The following NAV1 variants were observed in gnomAD, a reference collection of about 807,000 sequenced individuals.
NAV1 encodes the protein pore membrane and/or filament interacting like protein 3.
NAV1 carries 18 observed loss-of-function variants against 175.2 expected under a neutral mutation model. That is an observed-to-expected ratio of 0.10 (90% confidence interval 0.07 to 0.15). The LOEUF (loss-of-function observed/expected upper bound fraction) is 0.15, where lower values mean the gene tolerates loss of function less well. Ranked by LOEUF, NAV1 falls within the 10% of genes least tolerant of loss-of-function variation. The pLI is 1.00. For synonymous variants in NAV1, 897 were observed against 978.7 expected (o/e 0.92, Z 1.56); for missense variants, 1,731 against 2,436.6 (o/e 0.71, Z 6.10).
chr1:201,604,673 T>A (rs1257165491), intron 2 of NAV1, among the ~76,000 whole-genome samples: 1 of 114,232 alleles, frequency 8.8e-6, no homozygotes, highest in East Asian at 2.3e-4. Context: ...AGAGCAAGAC[T>A]CTGTCAGAAA....
At chr1:201,809,528 A>G (rs746351365) in exon 22 of NAV1, 16 of 1,613,982 alleles carry the variant, frequency 9.9e-6, no homozygotes, top group African/African-American at 2.7e-5. Flanking sequence ...CTGTTTTCCA[A>G]GTGTTCAAGG....
intron 2 of NAV1, 52 bp downstream of exon 6, chr1:201,712,971 C>T (rs750992159): frequency 2.1e-6 from 3 of 1,430,330 alleles, no homozygotes; most frequent in Non-Finnish European, 3.0e-6. Flanking sequence ...TGGCTCTCCA[C>T]CCCATTCTGG....
intron 28 of NAV1, among the ~76,000 whole-genome samples, chr1:201,816,017 T>C (rs1382136190): frequency 6.6e-6 from 1 of 151,658 alleles, no homozygotes; most frequent in African/African-American, 2.4e-5. Context: ...GGATTATAGG[T>C]GTGAGCCATC....
upstream of NAV1, among the ~76,000 whole-genome samples, chr1:201,620,453 C>CTTTTTTTTTT (rs71861939): frequency 1.1e-4 from 10 of 94,530 alleles, 3 homozygotes; most frequent in East Asian, 1.1e-3. Flanking sequence ...GACATATACT[C>CTTTTTTTTTT]TTTTTTTTTT....
chr1:201,669,313 A>G (rs1462890364), intron 1 of NAV1, among the ~76,000 whole-genome samples: 1 of 152,170 alleles, frequency 6.6e-6, no homozygotes, highest in Non-Finnish European at 1.5e-5. Flanking sequence ...TGGGCCAGGG[A>G]GGGCTTCTCT....
intron 1 of NAV1, among the ~76,000 whole-genome samples, chr1:201,545,071 G>A (rs541522512): frequency 9.9e-5 from 15 of 152,272 alleles, no homozygotes; most frequent in Non-Finnish European, 2.1e-4. Context: ...GGCAGGCCAT[G>A]GAATCTCTTA....
intron 3 of NAV1, chr1:201,739,973 C>A (rs932219604): frequency 6.9e-7 from 1 of 1,439,612 alleles, no homozygotes; most frequent in Non-Finnish European, 9.1e-7. Context: ...GAGAGCGGTC[C>A]TGGGGGGCGC....
chr1:201,578,533 TG>T (rs989714761), intron 1 of NAV1, among the ~76,000 whole-genome samples: 2 of 152,068 alleles, frequency 1.3e-5, no homozygotes, highest in African/African-American at 4.8e-5. Flanking sequence ...TACTGCTAGG[TG>T]GGGGTGGAAG....
intron 2 of NAV1, among the ~76,000 whole-genome samples, chr1:201,641,943 CTCTT>C (rs1422743525): frequency 6.6e-6 from 1 of 150,708 alleles, no homozygotes; most frequent in African/African-American, 2.5e-5. Context: ...TCCTTTCTTT[CTCTT>C]TTTCTTCCCT....
At chr1:201,766,563 C>T (rs1675221907) in intron 3 of NAV1, among the ~76,000 whole-genome samples, 3 of 152,192 alleles carry the variant, frequency 2.0e-5, no homozygotes, top group East Asian at 3.9e-4. Flanking sequence ...CCTCTTTAAC[C>T]TCTTGAATGG....
At position 201,605,971 on chromosome 1, in the gene NAV1, G is replaced by A. The variant is rs142549342; in HGVS notation, c.-32-16882G>A. On this transcript the variant is annotated intron_variant, in intron 2 of 33. Coordinates refer to the NAV1 transcript ENST00000685211. Reference sequence around the variant, plus strand: ...AGAGGGAGACTGCAGGGAAAAAGAGGGAAAGAGGAAGTGGGAAAGAAGTCC... The same window carrying A: ...AGAGGGAGACTGCAGGGAAAAAGAGAGAAAGAGGAAGTGGGAAAGAAGTCC... Among the ~76,000 whole-genome samples, 324 of 152,314 alleles carry A rather than the reference G, an allele frequency of 2.1e-3. 2 individuals carry two copies. The highest frequency in any genetic ancestry group is 7.5e-3 in the African/African-American group (312 of 41,566).
At chr1:201,655,221 G>C (rs1468885030) in intron 1 of NAV1, among the ~76,000 whole-genome samples, 1 of 152,180 alleles carries the variant, frequency 6.6e-6, no homozygotes, top group South Asian at 2.1e-4. Context: ...GCACCTGGCT[G>C]GTCTTTCTCC....
At chr1:201,714,512 C>T (rs142853052) in intron 2 of NAV1, among the ~76,000 whole-genome samples, 1 of 152,254 alleles carries the variant, frequency 6.6e-6, no homozygotes, top group African/African-American at 2.4e-5. Context: ...GGGAGGTGAC[C>T]AAGGAAGTCC....
In NAV1 at chr1:201,675,105, A is replaced by G. The variant is rs555839342; in HGVS notation, c.757+25680A>G. Among the ~76,000 whole-genome samples, 14 of 151,792 alleles carry G rather than the reference A, an allele frequency of 9.2e-5. 1 individual carries two copies. In the South Asian group the frequency reaches 2.9e-3, roughly 32 times the overall value. On this transcript the variant is annotated intron_variant, in intron 1 of 29. Transcript: ENST00000367296. ...ATGAGGGATCCACTCCCATGACCCA[A>G]GCACTTCCCATCAGGCCCCACCTCT... is the stretch of plus-strand genomic sequence containing the variant.
At chr1:201,784,347 C>A (rs931398346) in intron 7 of NAV1, among the ~76,000 whole-genome samples, 1 of 152,020 alleles carries the variant, frequency 6.6e-6, no homozygotes, top group Middle Eastern at 3.4e-3. Context: ...TAGTAGAGAC[C>A]AGGTTTCACC....
At chr1:201,770,380 G>C (rs967286798) in intron 3 of NAV1, among the ~76,000 whole-genome samples, 1 of 152,150 alleles carries the variant, frequency 6.6e-6, no homozygotes, top group Non-Finnish European at 1.5e-5. Flanking sequence ...ACAAGAGGAG[G>C]AATCAGTTGC....
Position 201,808,972 on chromosome 1 carries a change from C to T in NAV1, c.4207+101C>T, listed in dbSNP as rs941833111. The stretch of plus-strand genomic sequence containing the variant: ...GCTTTGGTCAGGGCGGTAACAATGC[C>T]GAAGCCAAGCAGATGCCAGTGTCCT... On this transcript the variant is annotated intron_variant, in intron 20 of 29. Coordinates refer to ENST00000367296, the Ensembl canonical transcript of NAV1. This position sits in a 1 kb window ranked among gnomAD's most constrained non-coding sequence, Gnocchi z 5.5. 7.7e-5 allele frequency: 111 copies of T among 1,436,356 alleles called. No individual in the cohort carries two copies. Among genetic ancestry groups the T allele is most frequent in the African/African-American group, 5.8e-4 (41 of 70,358 alleles). The allele number at this position is 1,436,356 out of a possible 1,614,324, so 89.0% of individuals were successfully genotyped here.
At chr1:201,726,523 C>G (rs951683498) in intron 3 of NAV1, among the ~76,000 whole-genome samples, 2 of 151,836 alleles carry the variant, frequency 1.3e-5, no homozygotes, top group African/African-American at 4.8e-5. Context: ...TGGTGCACAC[C>G]TGTAATCCCA....
chr1:201,768,990 C>T (rs1190892357), intron 3 of NAV1, among the ~76,000 whole-genome samples: 1 of 152,132 alleles, frequency 6.6e-6, no homozygotes, highest in African/African-American at 2.4e-5. Flanking sequence ...CAGCTCAGTC[C>T]ATTTCTAGCC....
Sources: gnomAD v4.1 joint callset for allele counts (sites outside exome capture counted in the v4.1 genomes callset) on GRCh38, gnomAD v4.1.1 for gene constraint, Gnocchi (gnomAD v3.1) non-coding constraint, MANE v1.5 for transcripts, NCBI Gene and HGNC (gene_info 2026-07-23, HGNC 2026-07-21) for gene names.